GALNTL6: variants seen among roughly 807,000 people sequenced by gnomAD.
GALNTL6 encodes polypeptide N-acetylgalactosaminyltransferase like 6.
GALNTL6 carries 46 observed loss-of-function variants against 73.7 expected under a neutral mutation model. The observed-to-expected ratio is 0.62, with a 90% confidence interval of 0.49 to 0.80. The LOEUF is 0.80. GALNTL6 is among the 30% of genes least tolerant of loss of function. The probability of loss-of-function intolerance (pLI) is 0.00; values close to 1 mark genes in which losing one functional copy is unlikely to be tolerated. For missense variants in GALNTL6, 604 were observed against 755.0 expected (o/e 0.80, Z 2.34); for synonymous variants, 259 against 263.7 (o/e 0.98, Z 0.17).
chr4:173,040,414 C>A lies in GALNTL6; in HGVS notation c.*314C>A. 1 of 306,200 alleles carries A rather than the reference C, an allele frequency of 3.3e-6. No homozygotes were observed. The highest frequency in any genetic ancestry group is 6.1e-6 in the Non-Finnish European group (1 of 164,068). The allele number at this position is 306,200 out of a possible 1,614,324, so 19.0% of individuals were successfully genotyped here. A position where few individuals can be genotyped will look rare whatever the true frequency, so the allele number is the denominator to read the frequency against. Reference sequence around the variant, plus strand: ...CTAGCATTTCTCAGGTCAAATCCTGCAGTAGTGAGTAGCTATGAATGGATC... The same window carrying A: ...CTAGCATTTCTCAGGTCAAATCCTGAAGTAGTGAGTAGCTATGAATGGATC... On this transcript the variant is annotated 3_prime_UTR_variant, in exon 13 of 13. Transcript: ENST00000506823.
chr4:172,759,696 G>A (rs1055891032), intron 5 of GALNTL6, among the ~76,000 whole-genome samples: 2 of 151,810 alleles, frequency 1.3e-5, no homozygotes, highest in Non-Finnish European at 2.9e-5. Context: ...CATACTCTCA[G>A]GTACACAGGA....
intron 2 of GALNTL6, among the ~76,000 whole-genome samples, chr4:172,180,603 T>C (rs1300370402): frequency 1.3e-5 from 2 of 152,228 alleles, no homozygotes; most frequent in Non-Finnish European, 2.9e-5. Flanking sequence ...AAGTCTTTAA[T>C]TGATCTTGAG....
intron 2 of GALNTL6, among the ~76,000 whole-genome samples, chr4:172,096,873 G>A (rs1407719679): frequency 6.6e-6 from 1 of 152,184 alleles, no homozygotes; most frequent in Non-Finnish European, 1.5e-5. Flanking sequence ...CAGTAAACTT[G>A]TCTTTAGTAT....
rs554926689 is a variant in GALNTL6, at chr4:172,912,735, G to C, written c.1042-18426G>C. Among the ~76,000 whole-genome samples, 292 of 152,318 alleles carry C rather than the reference G, an allele frequency of 1.9e-3. 1 individual carries two copies. Among genetic ancestry groups the C allele is most frequent in the African/African-American group, 6.6e-3 (273 of 41,582 alleles). ...GGTGGGGAAGCTTGAACTGGGTGGA[G>C]CCCAGCGCAGCTCAGTGAGGCCTGC... On this transcript the variant is annotated intron_variant, in intron 8 of 12. Coordinates refer to ENST00000506823, the MANE Select transcript of GALNTL6 (RefSeq NM_001034845.3).
At chr4:172,822,013 C>T (rs1467648386) in intron 7 of GALNTL6, among the ~76,000 whole-genome samples, 1 of 152,188 alleles carries the variant, frequency 6.6e-6, no homozygotes, top group Non-Finnish European at 1.5e-5. Flanking sequence ...GGGGTGGCAA[C>T]AATCTCTTTT....
At chr4:171,985,092 C>A (rs1175493675) in intron 2 of GALNTL6, among the ~76,000 whole-genome samples, 1 of 151,720 alleles carries the variant, frequency 6.6e-6, no homozygotes, top group African/African-American at 2.4e-5. Flanking sequence ...CTCTCCCCAC[C>A]CAATTAAGTT....
In GALNTL6 at chr4:171,964,785, G is replaced by T. The variant is rs578136830; in HGVS notation, c.138+150067G>T. 1.5e-4 allele frequency among the ~76,000 whole-genome samples: 23 copies of T among 152,280 alleles called. No individual in the cohort carries two copies. The East Asian group carries it at 2.3e-3, about 15-fold the overall frequency. ...CATCTGCTGTAGGTGCCACAGTACT[G>T]TCTGTTCTGGCGGTCGACCTTGGAC... is the stretch of plus-strand genomic sequence containing the variant. On this transcript the variant is annotated intron_variant, in intron 2 of 12. Coordinates refer to ENST00000506823, the MANE Select transcript of GALNTL6 (RefSeq NM_001034845.3).
intron 8 of GALNTL6, among the ~76,000 whole-genome samples, chr4:172,920,599 G>C (rs1006996110): frequency 6.6e-6 from 1 of 152,036 alleles, no homozygotes; most frequent in South Asian, 2.1e-4. Context: ...TATTTATATA[G>C]AGAGTGCTGT....
intron 5 of GALNTL6, among the ~76,000 whole-genome samples, chr4:172,484,806 T>A (rs1005715917): frequency 6.6e-6 from 1 of 152,190 alleles, no homozygotes; most frequent in Non-Finnish European, 1.5e-5. Context: ...TCTCTTAAGG[T>A]ATTTTTAGAT....
chr4:172,171,321 G>A (rs1206767959), intron 2 of GALNTL6, among the ~76,000 whole-genome samples: 3 of 152,044 alleles, frequency 2.0e-5, no homozygotes, highest in Non-Finnish European at 4.4e-5. Context: ...ATATAAAATG[G>A]TAGCCCACTT....
chr4:172,476,922 C>CTTTTT (rs149479550), intron 5 of GALNTL6, among the ~76,000 whole-genome samples: 1 of 113,338 alleles, frequency 8.8e-6, no homozygotes, highest in Non-Finnish European at 1.8e-5. Flanking sequence ...GCTTAAGAGA[C>CTTTTT]TTTTTTTTTT....
At chr4:172,782,521 T>A (rs1200160311) in intron 5 of GALNTL6, among the ~76,000 whole-genome samples, 4 of 152,158 alleles carry the variant, frequency 2.6e-5, no homozygotes, top group Non-Finnish European at 5.9e-5. Flanking sequence ...GTGCATAAAA[T>A]GGTAGAGAAA....
intron 2 of GALNTL6, among the ~76,000 whole-genome samples, chr4:171,937,818 GT>G: frequency 6.6e-6 from 1 of 152,102 alleles, no homozygotes; most frequent in Non-Finnish European, 1.5e-5. Context: ...CAATTTTAGT[GT>G]TTTAATTATT....
intron 2 of GALNTL6, among the ~76,000 whole-genome samples, chr4:172,147,807 GT>G (rs1733966570): frequency 6.6e-6 from 1 of 152,084 alleles, no homozygotes; most frequent in African/African-American, 2.4e-5. Context: ...TCTAAGAGCT[GT>G]TTTTTGCAGA....
At chr4:172,598,161 G>C (rs1436108091) in intron 5 of GALNTL6, among the ~76,000 whole-genome samples, 1 of 152,022 alleles carries the variant, frequency 6.6e-6, no homozygotes, top group East Asian at 1.9e-4. Context: ...AACTTAAAAA[G>C]CTTCTTTATT....
At chr4:172,114,536 G>A (rs1380828210) in intron 2 of GALNTL6, among the ~76,000 whole-genome samples, 1 of 152,030 alleles carries the variant, frequency 6.6e-6, no homozygotes, top group Non-Finnish European at 1.5e-5. Flanking sequence ...AACTCAGCAA[G>A]CTCTACTGTA....
intron 2 of GALNTL6, among the ~76,000 whole-genome samples, chr4:171,955,364 A>T (rs1739009534): frequency 1.0e-5 from 1 of 99,196 alleles, no homozygotes; most frequent in Non-Finnish European, 2.0e-5. Context: ...TACGAATGAA[A>T]TATATCTATC....
At chr4:172,113,350 T>C (rs868703128) in intron 2 of GALNTL6, among the ~76,000 whole-genome samples, 1 of 151,928 alleles carries the variant, frequency 6.6e-6, no homozygotes, top group South Asian at 2.1e-4. Flanking sequence ...CACCTGAAAA[T>C]TACACAGAAA....
rs538910150 is a variant in GALNTL6, at chr4:172,348,346, T to A, written c.387-177T>A. 2.6e-5 allele frequency among the ~76,000 whole-genome samples: 4 copies of A among 152,306 alleles called. No individual in the cohort carries two copies. The East Asian group carries it at 7.7e-4, about 29-fold the overall frequency. ...CATTAAGAGTGAGTGTGAAAGGAGA[T>A]CATTAATGCATTCCGTGAAGGAGCA... is the stretch of plus-strand genomic sequence containing the variant. On this transcript the variant is annotated intron_variant, in intron 4 of 12. Transcript: ENST00000506823.
Sources: allele counts gnomAD v4.1 joint callset (sites outside exome capture counted in the v4.1 genomes callset), GRCh38; gene constraint gnomAD v4.1.1; transcripts MANE v1.5; gene names NCBI Gene and HGNC (gene_info 2026-07-23, HGNC 2026-07-21).